NBEA: variants seen among roughly 807,000 people sequenced by gnomAD.
NBEA encodes the protein neurobeachin, also known as lysosomal-trafficking regulator 2.
A neutral mutation model predicts 343.4 loss-of-function variants in NBEA; 44 were observed. The observed-to-expected ratio is 0.13, with a 90% CI of 0.10 to 0.16. The LOEUF is 0.16. Among genes scored for constraint, NBEA ranks in the 10% least tolerant of loss-of-function variants. NBEA has a pLI of 1.00. For synonymous variants in NBEA, 1,175 were observed against 1,238.7 expected (o/e 0.95, Z 1.08); for missense variants, 2,555 against 3,631.3 (o/e 0.70, Z 7.62).
intron 10 of NBEA, among the ~76,000 whole-genome samples, chr13:35,073,067 CT>C (rs1407830530): frequency 6.6e-6 from 1 of 152,020 alleles, no homozygotes; most frequent in Non-Finnish European, 1.5e-5. Context: ...GTAATACAGT[CT>C]TTTGTTATTT....
chr13:35,648,604 CT>C (rs1219970308), intron 51 of NBEA, among the ~76,000 whole-genome samples: 2 of 152,082 alleles, frequency 1.3e-5, no homozygotes, highest in East Asian at 3.9e-4. Context: ...AAACTCTAAG[CT>C]TTCTAAGTTC....
intron 1 of NBEA, among the ~76,000 whole-genome samples, chr13:35,013,280 C>T (rs559463151): frequency 6.6e-6 from 1 of 152,084 alleles, no homozygotes; most frequent in African/African-American, 2.4e-5. Flanking sequence ...TATATCTAGC[C>T]CCCACCCCTA....
Position 35,182,536 on chromosome 13 carries a change from A to T in NBEA, c.4831+8A>T. Reference sequence around the variant, plus strand: ...ATTCACCAACAAGTACAGGTACTTAACATTGTATAATTATTTGAATTTTCA... The same window carrying T: ...ATTCACCAACAAGTACAGGTACTTATCATTGTATAATTATTTGAATTTTCA... On this transcript the variant is annotated splice_region_variant and intron_variant, in intron 29 of 58. Transcript: ENST00000379939. 1 of 1,597,758 alleles carries T rather than the reference A, an allele frequency of 6.3e-7. No homozygotes were observed. Among genetic ancestry groups the T allele is most frequent in the Non-Finnish European group, 8.5e-7 (1 of 1,172,704 alleles).
Position 35,646,279 on chromosome 13 carries a change from G to A in NBEA, c.7701G>A (p.Gln2567=), listed in dbSNP as rs778012916. 6.2e-7 allele frequency: 1 copy of A among 1,613,628 alleles called. No individual in the cohort carries two copies. The highest frequency in any genetic ancestry group is 8.5e-7 in the Non-Finnish European group (1 of 1,179,756). ...TGCAGGCCATGGAGGCACAGATACA[G>A]AACTTTGGACAGACGCCATCTCAGT... ...DFIKAMEAQI[Q]NFGQTPSQLL... is the part of the protein sequence containing the mutation. The change falls in exon 51 of 59, where the codon CAG becomes CAA. Residue 2567 remains glutamine, a synonymous_variant. Coordinates refer to ENST00000379939, the MANE Select transcript of NBEA (RefSeq NM_001385012.1).
At chr13:35,052,971 C>G (rs1256567005) in intron 6 of NBEA, among the ~76,000 whole-genome samples, 1 of 152,004 alleles carries the variant, frequency 6.6e-6, no homozygotes, top group Admixed American at 6.6e-5. Flanking sequence ...ATCTTAGACT[C>G]CCCTTTTATA....
chr13:35,543,035 GT>G (rs1430729821), intron 41 of NBEA, among the ~76,000 whole-genome samples: 1 of 151,840 alleles, frequency 6.6e-6, no homozygotes, highest in Non-Finnish European at 1.5e-5. Context: ...TAAAGCTTTA[GT>G]TTTTTAGGTT....
intron 41 of NBEA, among the ~76,000 whole-genome samples, chr13:35,535,933 T>G (rs79878590): frequency 0.024 from 3,638 of 152,244 alleles, 71 homozygotes; most frequent in Non-Finnish European, 0.034. Context: ...AGATACACAG[T>G]AAAATAGACC....
intron 34 of NBEA, among the ~76,000 whole-genome samples, chr13:35,260,433 TA>T (rs1042250759): frequency 6.6e-6 from 1 of 152,246 alleles, no homozygotes; most frequent in Non-Finnish European, 1.5e-5. Flanking sequence ...AGGCCTCAGA[TA>T]ACTGTGAACC....
intron 1 of NBEA, among the ~76,000 whole-genome samples, chr13:34,959,877 AG>A (rs2059606176): frequency 6.6e-6 from 1 of 152,160 alleles, no homozygotes. Flanking sequence ...AGTTGTATAA[AG>A]GTATAGCACA....
At chr13:35,081,896 T>C (rs1309683814) in intron 10 of NBEA, among the ~76,000 whole-genome samples, 1 of 152,064 alleles carries the variant, frequency 6.6e-6, no homozygotes, top group Non-Finnish European at 1.5e-5. Context: ...TCACCTTGAG[T>C]ATTTATCATT....
rs80150534 is a variant in NBEA at position 35,252,043 on chromosome 13, A to G, written c.5776+19424A>G. 9.8e-3 allele frequency among the ~76,000 whole-genome samples: 1,499 copies of G among 152,262 alleles called. 25 individuals carry two copies. The highest frequency in any genetic ancestry group is 0.034 in the African/African-American group (1,426 of 41,560). On this transcript the variant is annotated intron_variant, in intron 34 of 58. Transcript: ENST00000379939. ...TTTTCTCACATCCATCTACTTTTTT[A>G]TCCACTTCTGTATTAGTCCATTTTC... is the stretch of plus-strand genomic sequence containing the variant.
chr13:35,277,760 GA>G (rs2034726132), intron 34 of NBEA, among the ~76,000 whole-genome samples: 1 of 151,046 alleles, frequency 6.6e-6, no homozygotes, highest in African/African-American at 2.4e-5. Flanking sequence ...AGTCATTCTT[GA>G]AAAAAATTTG....
intron 11 of NBEA, among the ~76,000 whole-genome samples, chr13:35,099,604 G>A (rs915465518): frequency 6.6e-6 from 1 of 151,766 alleles, no homozygotes; most frequent in African/African-American, 2.4e-5. Flanking sequence ...TTAATTATGC[G>A]GTCAAAATTT....
intron 33 of NBEA, among the ~76,000 whole-genome samples, chr13:35,231,313 T>C (rs2074960322): frequency 6.6e-6 from 1 of 152,100 alleles, no homozygotes; most frequent in South Asian, 2.1e-4. Flanking sequence ...CTTAAAAAAT[T>C]TAAAAAGAGG....
chr13:35,508,086 GA>G (rs756921876), intron 41 of NBEA, among the ~76,000 whole-genome samples: 16 of 152,132 alleles, frequency 1.1e-4, no homozygotes, highest in Non-Finnish European at 2.1e-4. Flanking sequence ...TGAAGAAATA[GA>G]GACTCAGAAA....
intron 17 of NBEA, among the ~76,000 whole-genome samples, chr13:35,141,258 T>C (rs1360700763): frequency 6.6e-6 from 1 of 151,994 alleles, no homozygotes; most frequent in East Asian, 1.9e-4. Flanking sequence ...AGATTTTGAA[T>C]TCTTTTTTTG....
intron 35 of NBEA, among the ~76,000 whole-genome samples, chr13:35,293,919 T>C (rs948468498): frequency 1.3e-5 from 2 of 151,554 alleles, no homozygotes; most frequent in Non-Finnish European, 2.9e-5. Flanking sequence ...ATTGAGAAAC[T>C]GTACATTTAA....
intron 39 of NBEA, among the ~76,000 whole-genome samples, chr13:35,444,966 A>G (rs189735466): frequency 1.3e-5 from 2 of 152,154 alleles, no homozygotes; most frequent in African/African-American, 2.4e-5. Flanking sequence ...ACTTCATGCT[A>G]TCATTCCTGT....
chr13:35,451,488 C>G (rs78130635), intron 39 of NBEA, among the ~76,000 whole-genome samples: 3 of 152,326 alleles, frequency 2.0e-5, no homozygotes, highest in Non-Finnish European at 2.9e-5. Context: ...ATTTATTTCA[C>G]TAATTGCTAA....
Sources: gnomAD v4.1 joint callset for allele counts (sites outside exome capture counted in the v4.1 genomes callset) on GRCh38, gnomAD v4.1.1 for gene constraint, MANE v1.5 for transcripts, NCBI Gene and HGNC (gene_info 2026-07-23, HGNC 2026-07-21) for gene names.